The following SFXN4 variants were observed in gnomAD, a reference collection of about 807,000 sequenced individuals.
SFXN4 encodes the protein sideroflexin-4.
In SFXN4, 48 loss-of-function variants were observed where a neutral mutation model predicts 54.6. The observed-to-expected ratio is 0.88, with a 90% confidence interval of 0.70 to 1.12. The LOEUF (loss-of-function observed/expected upper bound fraction) is 1.12, where lower values mean the gene tolerates loss of function less well. Ranked by LOEUF, SFXN4 falls within the 50% of genes most tolerant of loss-of-function variation. The pLI, the probability that SFXN4 is intolerant of heterozygous loss-of-function variation, is 0.00. For missense variants in SFXN4, 383 were observed against 409.2 expected (o/e 0.94, Z 0.55); for synonymous variants, 130 against 145.5 (o/e 0.89, Z 0.77).
At chr10:119,144,076 A>G (rs1376464267) in intron 13 of SFXN4, among the ~76,000 whole-genome samples, 2 of 152,218 alleles carry the variant, frequency 1.3e-5, no homozygotes. Flanking sequence ...TGGGTTCTGA[A>G]CAAGATCATT....
chr10:119,147,250 G>A (rs1846855899), intron 12 of SFXN4, among the ~76,000 whole-genome samples: 1 of 152,182 alleles, frequency 6.6e-6, no homozygotes, highest in Admixed American at 6.5e-5. Flanking sequence ...AAGCCCCAAC[G>A]TCTCCCCTCG....
intron 9 of SFXN4, 73 bp downstream of exon 9, chr10:119,157,595 T>C: frequency 8.2e-7 from 1 of 1,214,044 alleles, no homozygotes. Context: ...AACATAAATT[T>C]GTAATTGGAA....
chr10:119,159,790 C>T (rs761395722), intron 5 of SFXN4, 37 bp from the exon 6 acceptor site: 2 of 1,613,588 alleles, frequency 1.2e-6, no homozygotes, highest in Non-Finnish European at 8.5e-7. Context: ...TCAGTGATCA[C>T]AGTTGCCCAG....
chr10:119,162,194 C>T, intron 3 of SFXN4, 146 bp downstream of exon 3: 1 of 656,348 alleles, frequency 1.5e-6, no homozygotes, highest in Non-Finnish European at 2.7e-6. Flanking sequence ...GCATTAATAG[C>T]CAATAGAACA....
intron 11 of SFXN4, among the ~76,000 whole-genome samples, chr10:119,148,948 G>A (rs182587021): frequency 1.7e-4 from 26 of 152,158 alleles, no homozygotes; most frequent in Non-Finnish European, 3.7e-4. Context: ...GTACAGTAGC[G>A]TGATCACGGC....
At chr10:119,161,230 C>T (rs1277530794) in intron 3 of SFXN4, 149 bp from the exon 4 acceptor site, 6 of 704,578 alleles carry the variant, frequency 8.5e-6, no homozygotes, top group Non-Finnish European at 1.2e-5. Context: ...ACGATCCTCC[C>T]ACCTCACCCT....
At chr10:119,165,294 G>T in intron 1 of SFXN4, 1 of 1,237,952 alleles carries the variant, frequency 8.1e-7, no homozygotes, top group East Asian at 4.0e-5. Context: ...GCCCCTCCGA[G>T]AGGGCAATCT....
chr10:119,146,014 T>TG (rs1333697913), intron 13 of SFXN4, among the ~76,000 whole-genome samples: 7 of 152,076 alleles, frequency 4.6e-5, no homozygotes, highest in African/African-American at 1.4e-4. Context: ...TTTGTAGAGA[T>TG]GGGGTCTCAC....
intron 11 of SFXN4, among the ~76,000 whole-genome samples, chr10:119,151,164 T>C (rs1456560984): frequency 2.0e-5 from 3 of 152,070 alleles, no homozygotes; most frequent in Non-Finnish European, 4.4e-5. Context: ...GGTCAGGAGA[T>C]CGAGACCATC....
At chr10:119,146,456 T>TGCAC (rs1182674952) in intron 12 of SFXN4, 103 bp from the exon 13 acceptor site, 2 of 529,258 alleles carry the variant, frequency 3.8e-6, no homozygotes, top group Middle Eastern at 2.8e-4. Flanking sequence ...TGTGTGTGTG[T>TGCAC]GTGTGCACGT....
In SFXN4 at chr10:119,159,858, G is replaced by A. The variant is rs901476139; in HGVS notation, c.335-105C>T. The A allele has an allele frequency of 1.2e-5, 14 of 1,213,460 alleles. No individual in the cohort carries two copies. In the East Asian group the frequency reaches 3.3e-4, roughly 29 times the overall value. 75.2% of individuals were successfully genotyped at this position (1,213,460 alleles called of 1,614,324 possible). On this transcript the variant is annotated intron_variant, in intron 5 of 13. Coordinates refer to ENST00000355697, the MANE Select transcript of SFXN4 (RefSeq NM_213649.2). Reference sequence around the variant, plus strand: ...AACACCTCTTCCCCAGCTTCCAGAAGGCACAGACCTCAAAGGACTTTTTCC... The same window carrying A: ...AACACCTCTTCCCCAGCTTCCAGAAAGCACAGACCTCAAAGGACTTTTTCC...
At chr10:119,157,299 C>T (rs537580884) in intron 9 of SFXN4, among the ~76,000 whole-genome samples, 1 of 151,860 alleles carries the variant, frequency 6.6e-6, no homozygotes, top group South Asian at 2.1e-4. Flanking sequence ...GGTGTGGTGG[C>T]ACGTGCCTGT....
chr10:119,147,692 C>T (rs1478549577), intron 12 of SFXN4, 83 bp downstream of exon 12: 2 of 1,194,286 alleles, frequency 1.7e-6, no homozygotes, highest in Non-Finnish European at 2.5e-6. Context: ...TTCTCCCCAC[C>T]CTCCACCAGG....
chr10:119,162,354 A>G lies in SFXN4; in HGVS notation c.238T>C (p.Ser80Pro). The change falls in exon 3 of 14, where the codon TCG becomes CCG. Residue 80 changes from serine (S) to proline (P), a missense_variant. Ser to Pro is a moderately conservative substitution (Grantham distance 74). Transcript: ENST00000355697. ...CTNEDVSSPA[S>P]ADQRIQEAWK... ...GTGAAACATACCCTTTGGTCCGCCG[A>G]GGCAGGGCTGGAAACATCTTCATTT... 6.2e-7 allele frequency: 1 copy of G among 1,614,150 alleles called. No homozygotes were observed. Among genetic ancestry groups the G allele is most frequent in the Non-Finnish European group, 8.5e-7 (1 of 1,180,004 alleles).
chr10:119,150,059 G>A (rs76734789), intron 11 of SFXN4, among the ~76,000 whole-genome samples: 10 of 152,284 alleles, frequency 6.6e-5, no homozygotes, highest in African/African-American at 2.4e-4. Flanking sequence ...AATTTTAGCC[G>A]AAGAAAATAA....
intron 6 of SFXN4, among the ~76,000 whole-genome samples, chr10:119,159,280 G>A (rs994792238): frequency 5.8e-5 from 8 of 136,930 alleles, no homozygotes; most frequent in Non-Finnish European, 1.2e-4. Flanking sequence ...ACTCTGTCTC[G>A]AAAAACAAAA....
In SFXN4 at chr10:119,140,954, A is replaced by C. The variant is rs756647429; in HGVS notation, c.*288T>G. ...TCAACTTGAGACAGGTTTATTAGTT[A>C]ATTAGTGATTTCACAGTATCCTTTC... On this transcript the variant is annotated 3_prime_UTR_variant, in exon 14 of 14. Coordinates refer to ENST00000355697, the MANE Select transcript of SFXN4 (RefSeq NM_213649.2). The C allele has an allele frequency of 6.6e-6, 2 of 302,868 alleles. No homozygotes were observed. Among genetic ancestry groups the C allele is most frequent in the Non-Finnish European group, 1.2e-5 (2 of 163,208 alleles). 18.8% of individuals were successfully genotyped at this position (302,868 alleles called of 1,614,324 possible).
At chr10:119,160,642 C>A (rs549111285) in intron 5 of SFXN4, among the ~76,000 whole-genome samples, 7 of 137,470 alleles carry the variant, frequency 5.1e-5, no homozygotes, top group African/African-American at 2.0e-4. Flanking sequence ...CAGGCTGGAG[C>A]GCAATGGCAT....
intron 11 of SFXN4, among the ~76,000 whole-genome samples, chr10:119,154,099 AC>A (rs1222918897): frequency 2.3e-4 from 35 of 150,778 alleles, no homozygotes; most frequent in African/African-American, 8.1e-4. Context: ...AATCGCTTGA[AC>A]CCAGGAAGCG....
Sources: gnomAD v4.1 joint callset for allele counts (sites outside exome capture counted in the v4.1 genomes callset) on GRCh38, gnomAD v4.1.1 for gene constraint, MANE v1.5 for transcripts, NCBI Gene and HGNC (gene_info 2026-07-23, HGNC 2026-07-21) for gene names.